The following PPM1G variants were observed in gnomAD, a reference collection of about 807,000 sequenced individuals.
PPM1G encodes protein phosphatase 1G.
In PPM1G, 12 loss-of-function variants were observed where a neutral mutation model predicts 59.4. The observed-to-expected ratio is 0.20, with a 90% CI of 0.13 to 0.33. PPM1G has a LOEUF of 0.33. Ranked by LOEUF, PPM1G falls within the 10% of genes least tolerant of loss-of-function variation. The pLI is 1.00. For synonymous variants in PPM1G, 245 were observed against 251.9 expected, an observed-to-expected ratio of 0.97 and a Z score of 0.26; for missense variants, 392 against 681.3, an observed-to-expected ratio of 0.58 and a Z score of 4.73.
chr2:27,408,027 A>G (rs1366417052), intron 1 of PPM1G, among the ~76,000 whole-genome samples: 1 of 152,248 alleles, frequency 6.6e-6, no homozygotes, highest in South Asian at 2.1e-4. Context: ...AGCCTGGGCA[A>G]CAAGAGCGAA....
chr2:27,405,063 A>C (rs1226309124), intron 1 of PPM1G, among the ~76,000 whole-genome samples: 3 of 136,710 alleles, frequency 2.2e-5, no homozygotes, highest in African/African-American at 5.4e-5. Context: ...CCCCTCCACA[A>C]CCTACCTCAT....
Position 27,402,373 on chromosome 2 carries a change from G to A in PPM1G, c.120+6930C>T, listed in dbSNP as rs972650319. ...ACTAATAACCCAATAGAAGATTAGA[G>A]GTTAGGGAAACAGTAGTAACAACTG... is the stretch of plus-strand genomic sequence containing the variant. On this transcript the variant is annotated intron_variant, in intron 1 of 9. Transcript: ENST00000344034. 9.2e-5 allele frequency among the ~76,000 whole-genome samples: 14 copies of A among 152,292 alleles called. No individual in the cohort carries two copies. The South Asian group carries it at 1.2e-3, about 14-fold the overall frequency.
intron 2 of PPM1G, 191 bp downstream of exon 2, chr2:27,386,898 T>C: frequency 2.0e-6 from 1 of 502,812 alleles, no homozygotes; most frequent in Non-Finnish European, 3.6e-6. Context: ...AAACAAGTCC[T>C]GGTGAGATTA....
rs1023300056 is a variant in PPM1G, at chr2:27,409,583, G to C, written c.-161C>G. The C allele has an allele frequency of 2.1e-5, 20 of 947,478 alleles. No homozygotes were observed. Among genetic ancestry groups the C allele is most frequent in the Admixed American group, 4.4e-5 (1 of 22,690 alleles). The allele number at this position is 947,478 out of a possible 1,614,324, so 58.7% of individuals were successfully genotyped here. ...GCCGGCCAGGAGGCGGTAACGGGAC[G>C]GGAGCTGTGAGGGAGCGGAAGCGGA... On this transcript the variant is annotated 5_prime_UTR_variant, in exon 1 of 10. Coordinates refer to ENST00000344034, the MANE Select transcript of PPM1G (RefSeq NM_177983.3).
intron 1 of PPM1G, among the ~76,000 whole-genome samples, chr2:27,399,772 T>C (rs977588128): frequency 2.6e-5 from 4 of 152,192 alleles, no homozygotes; most frequent in African/African-American, 7.2e-5. Flanking sequence ...TCCTCATATA[T>C]TGCTGGCAGG....
rs1683743516 is a variant in PPM1G at position 27,385,641 on chromosome 2, C to T, written c.409+106G>A. 5 of 1,416,456 alleles carry T rather than the reference C, an allele frequency of 3.5e-6. No individual in the cohort carries two copies. Among genetic ancestry groups the T allele is most frequent in the East Asian group, 2.3e-5 (1 of 43,112 alleles). The allele number at this position is 1,416,456 out of a possible 1,614,324, so 87.7% of individuals were successfully genotyped here. A position where few individuals can be genotyped will look rare whatever the true frequency, so the allele number is the denominator to read the frequency against. ...ATCATAGGTTTCTTTAACATAAGGA[C>T]TCCCCAGGTCCCTAGAAAGCCATCC... On this transcript the variant is annotated intron_variant, in intron 4 of 9. Transcript: ENST00000344034. The surrounding 1 kb of genome is among the most constrained non-coding windows in gnomAD (Gnocchi z 4.1).
chr2:27,381,472 G>GT lies in PPM1G; in HGVS notation c.*126dup, dbSNP rs1683625100. 9.2e-7 allele frequency: 1 copy of GT among 1,087,246 alleles called. No homozygotes were observed. The allele number at this position is 1,087,246 out of a possible 1,614,324, so 67.3% of individuals were successfully genotyped here. A position where few individuals can be genotyped will look rare whatever the true frequency, so the allele number is the denominator to read the frequency against. On this transcript the variant is annotated 3_prime_UTR_variant, in exon 10 of 10. Transcript: ENST00000344034. The stretch of plus-strand genomic sequence containing the variant: ...GAGAGCCCTCTTTGGAATGGGCGGA[G>GT]TGAAGCCACCCAGCTCCCCCTGCAC...
intron 1 of PPM1G, among the ~76,000 whole-genome samples, chr2:27,402,709 G>C (rs951754988): frequency 6.6e-6 from 1 of 151,868 alleles, no homozygotes; most frequent in African/African-American, 2.4e-5. Context: ...GCGGGAGGCT[G>C]AGGCAGGAGA....
At chr2:27,408,001 C>T (rs1253995174) in intron 1 of PPM1G, among the ~76,000 whole-genome samples, 2 of 151,494 alleles carry the variant, frequency 1.3e-5, no homozygotes, top group Non-Finnish European at 2.9e-5. Flanking sequence ...GAGCCGAGAT[C>T]GCGCCATTGC....
At chr2:27,406,831 G>A (rs1285106212) in intron 1 of PPM1G, among the ~76,000 whole-genome samples, 1 of 152,006 alleles carries the variant, frequency 6.6e-6, no homozygotes, top group Non-Finnish European at 1.5e-5. Context: ...TGGAAGAAAC[G>A]TTTTACTGCG....
At chr2:27,403,455 A>G (rs1205733994) in intron 1 of PPM1G, among the ~76,000 whole-genome samples, 1 of 152,162 alleles carries the variant, frequency 6.6e-6, no homozygotes, top group Non-Finnish European at 1.5e-5. Context: ...TTAAAAAAAT[A>G]AAAAGAAAAT....
At chr2:27,391,952 G>A (rs578070407) in intron 1 of PPM1G, among the ~76,000 whole-genome samples, 33 of 151,768 alleles carry the variant, frequency 2.2e-4, no homozygotes, top group East Asian at 7.8e-4. Flanking sequence ...GGATGGTCTC[G>A]ATCTCCTGGA....
chr2:27,382,622 G>GT lies in PPM1G; in HGVS notation c.1202-18dup. 1 of 1,613,994 alleles carries GT rather than the reference G, an allele frequency of 6.2e-7. No homozygotes were observed. The highest frequency in any genetic ancestry group is 8.5e-7 in the Non-Finnish European group (1 of 1,179,912). On this transcript the variant is annotated splice_polypyrimidine_tract_variant and intron_variant, in intron 7 of 9. Coordinates refer to ENST00000344034, the MANE Select transcript of PPM1G (RefSeq NM_177983.3). This position sits in a 1 kb window ranked among gnomAD's most constrained non-coding sequence, Gnocchi z 4.2. ...AGTGGTCCCCTGGAGTAAAGGAATG[G>GT]TTGATGAGCAGTTTGGATACTTCCC...
chr2:27,387,576 C>A (rs1265102696), intron 1 of PPM1G, among the ~76,000 whole-genome samples: 2 of 152,122 alleles, frequency 1.3e-5, no homozygotes, highest in Admixed American at 1.3e-4. Flanking sequence ...TCTTGGCTCA[C>A]TGCAACCTCC....
At chr2:27,408,508 T>C (rs1424964202) in intron 1 of PPM1G, among the ~76,000 whole-genome samples, 1 of 152,194 alleles carries the variant, frequency 6.6e-6, no homozygotes, top group Non-Finnish European at 1.5e-5. Context: ...TAAAATTTTC[T>C]AGAAAAGCCC....
chr2:27,409,476 C>T lies in PPM1G; in HGVS notation c.-54G>A. 7.0e-7 allele frequency: 1 copy of T among 1,421,388 alleles called. No individual in the cohort carries two copies. Among genetic ancestry groups the T allele is most frequent in the South Asian group, 1.5e-5 (1 of 66,938 alleles). 88.0% of individuals were successfully genotyped at this position (1,421,388 alleles called of 1,614,324 possible). The stretch of plus-strand genomic sequence containing the variant: ...CAGGAAAGCTGGGCGCGACCCGTGC[C>T]GGAGCCGAAGCCCCGGGGGTGCGCG... On this transcript the variant is annotated 5_prime_UTR_variant, in exon 1 of 10. Transcript: ENST00000344034.
In PPM1G at chr2:27,384,539, TA is replaced by T; in HGVS notation, c.825+133del. On this transcript the variant is annotated intron_variant, in intron 5 of 9. Coordinates refer to ENST00000344034, the MANE Select transcript of PPM1G (RefSeq NM_177983.3). The surrounding 1 kb of genome is among the most constrained non-coding windows in gnomAD (Gnocchi z 4.8). ...TGATGGAGCTCAATGAATTCAAGAC[TA>T]AAGCTTAGAATACAGTGGGTCTTGG... 1 of 1,145,962 alleles carries T rather than the reference TA, an allele frequency of 8.7e-7. No individual in the cohort carries two copies. Among genetic ancestry groups the T allele is most frequent in the Non-Finnish European group, 1.2e-6 (1 of 811,396 alleles). The allele number at this position is 1,145,962 out of a possible 1,614,324, so 71.0% of individuals were successfully genotyped here.
intron 1 of PPM1G, among the ~76,000 whole-genome samples, chr2:27,394,357 C>G (rs1487221681): frequency 2.0e-5 from 3 of 152,180 alleles, no homozygotes; most frequent in Non-Finnish European, 2.9e-5. Flanking sequence ...AGCTCAGAAG[C>G]ATCTGAATTA....
At chr2:27,395,471 G>C (rs944433130) in intron 1 of PPM1G, among the ~76,000 whole-genome samples, 4 of 151,966 alleles carry the variant, frequency 2.6e-5, no homozygotes, top group African/African-American at 9.7e-5. Flanking sequence ...GGAGGTTGCA[G>C]TGAGCTGAGA....
Sources: allele counts gnomAD v4.1 joint callset (sites outside exome capture counted in the v4.1 genomes callset), GRCh38; gene constraint gnomAD v4.1.1; non-coding constraint Gnocchi (gnomAD v3.1); transcripts MANE v1.5; gene names NCBI Gene and HGNC (gene_info 2026-07-23, HGNC 2026-07-21).